Variants in SELENOF observed in about 807,000 individuals in gnomAD.
The protein encoded by SELENOF is 15 kDa selenoprotein.
In SELENOF, 16 loss-of-function variants were observed where a neutral mutation model predicts 20.5. That is an observed-to-expected ratio of 0.78 (90% CI 0.53 to 1.19). SELENOF has a LOEUF of 1.19. Ranked by LOEUF, SELENOF falls within the 50% of genes most tolerant of loss-of-function variation. SELENOF has a pLI of 0.00. For missense variants in SELENOF, 215 were observed against 194.2 expected (o/e 1.11, Z -0.64); for synonymous variants, 78 against 74.5 (o/e 1.05, Z -0.24).
intron 2 of SELENOF, among the ~76,000 whole-genome samples, chr1:86,891,991 C>T (rs576053565): frequency 2.6e-5 from 4 of 151,086 alleles, no homozygotes; most frequent in Non-Finnish European, 4.4e-5. Flanking sequence ...AGTGCAGTGG[C>T]GTGATCTCGG....
intron 3 of SELENOF, among the ~76,000 whole-genome samples, chr1:86,877,085 C>T (rs1014214726): frequency 6.6e-6 from 1 of 152,106 alleles, no homozygotes; most frequent in African/African-American, 2.4e-5. Context: ...GATACAATAA[C>T]AATACTTACC....
intron 2 of SELENOF, among the ~76,000 whole-genome samples, chr1:86,889,809 C>T (rs942325237): frequency 2.0e-5 from 3 of 152,154 alleles, no homozygotes; most frequent in African/African-American, 7.2e-5. Flanking sequence ...CTCTCCAATT[C>T]AGTCTAATAA....
chr1:86,890,454 A>G (rs538240136), intron 2 of SELENOF, among the ~76,000 whole-genome samples: 1 of 152,214 alleles, frequency 6.6e-6, no homozygotes, highest in South Asian at 2.1e-4. Context: ...AGAAGTAAAC[A>G]TTTCCTCTAC....
chr1:86,873,565 A>G lies in SELENOF; in HGVS notation c.317-5463T>C, dbSNP rs138813389. 1.4e-3 allele frequency among the ~76,000 whole-genome samples: 209 copies of G among 152,298 alleles called. 1 individual carries two copies. The highest frequency in any genetic ancestry group is 4.9e-3 in the African/African-American group (202 of 41,556). ...GTTTAGTTTTATATAATTTTAAAAA[A>G]TTAGGCTGGGCACGGTGGCTCATGC... On this transcript the variant is annotated intron_variant, in intron 3 of 4. Coordinates refer to ENST00000331835, the MANE Select transcript of SELENOF (RefSeq NM_004261.5).
chr1:86,863,584 C>G lies in SELENOF; in HGVS notation c.388G>C (p.Val130Leu), dbSNP rs900154921. The change falls in exon 5 of 5, where the codon GTA (valine) becomes CTA (leucine). Residue 130 changes from valine (V) to leucine (L), a missense_variant. Transcript: ENST00000331835. ...CCATTGTCGTCCAAAAGCTTTAATA[C>G]AGGGTCTGAACCACGGACATACTAC... The part of the protein sequence containing the change: ...QIKYVRGSDP[V>L]LKLLDDNGNI... 3.7e-6 allele frequency: 6 copies of G among 1,613,574 alleles called. No homozygotes were observed. Among genetic ancestry groups the G allele is most frequent in the Non-Finnish European group, 4.2e-6 (5 of 1,179,762 alleles).
rs1018502645 is a variant in SELENOF at position 86,910,623 on chromosome 1, G to T, written c.84+3405C>A. On this transcript the variant is annotated intron_variant, in intron 1 of 4. Transcript: ENST00000331835. ...GGAGGCTGAGGCAGGAGACTGGCTT[G>T]ATCCCGGGAGGCAGAGGTTGCAGTG... is the stretch of plus-strand genomic sequence containing the variant. Among the ~76,000 whole-genome samples, 20 of 150,904 alleles carry T rather than the reference G, an allele frequency of 1.3e-4. No individual in the cohort carries two copies. The East Asian group carries it at 1.8e-3, about 13-fold the overall frequency.
intron 1 of SELENOF, among the ~76,000 whole-genome samples, chr1:86,906,541 C>T (rs1291959453): frequency 6.6e-6 from 1 of 152,180 alleles, no homozygotes. Flanking sequence ...CGTAAAAGAG[C>T]AAACAGCCTC....
At chr1:86,908,249 C>T (rs1659881900) in intron 1 of SELENOF, among the ~76,000 whole-genome samples, 1 of 152,146 alleles carries the variant, frequency 6.6e-6, no homozygotes, top group African/African-American at 2.4e-5. Flanking sequence ...TAATTCTGAG[C>T]AAACTCCAAA....
At position 86,899,459 on chromosome 1, in the gene SELENOF, A is replaced by T. The variant is rs1291576137; in HGVS notation, c.252+3822T>A. Among the ~76,000 whole-genome samples, 2 of 114,608 alleles carry T rather than the reference A, an allele frequency of 1.7e-5. 1 individual carries two copies. The highest frequency in any genetic ancestry group is 3.5e-5 in the Non-Finnish European group (2 of 57,440). The allele number at this position is 114,608 out of a possible 152,430, so 75.2% of individuals were successfully genotyped here. ...TCCCGGACGGGGCGGCTGGCCGGGCAGAGGGGCTCCTCACTTCCCAGTAGG... is the reference window on the plus strand; with the variant it reads ...TCCCGGACGGGGCGGCTGGCCGGGCTGAGGGGCTCCTCACTTCCCAGTAGG... On this transcript the variant is annotated intron_variant, in intron 2 of 4. Coordinates refer to ENST00000331835, the MANE Select transcript of SELENOF (RefSeq NM_004261.5).
At chr1:86,911,116 GA>G (rs1659969483) in intron 1 of SELENOF, among the ~76,000 whole-genome samples, 1 of 152,322 alleles carries the variant, frequency 6.6e-6, no homozygotes, top group Middle Eastern at 3.4e-3. Context: ...AATTATTAAA[GA>G]AAACTATGGA....
intron 2 of SELENOF, among the ~76,000 whole-genome samples, chr1:86,895,972 A>C (rs1265491355): frequency 1.3e-5 from 2 of 152,220 alleles, no homozygotes; most frequent in Non-Finnish European, 2.9e-5. Context: ...TCACGCCTGT[A>C]ATCCCAGCAC....
chr1:86,887,988 C>CGG (rs1319018326), intron 2 of SELENOF, among the ~76,000 whole-genome samples: 2 of 152,128 alleles, frequency 1.3e-5, no homozygotes, highest in African/African-American at 4.8e-5. Flanking sequence ...CGGCCAGGCG[C>CGG]GGTGGCTCAC....
intron 1 of SELENOF, among the ~76,000 whole-genome samples, chr1:86,913,520 G>A (rs1018812576): frequency 7.2e-5 from 11 of 152,198 alleles, no homozygotes; most frequent in African/African-American, 2.7e-4. Context: ...GCACTCAAGC[G>A]CAGCCAGCCG....
At chr1:86,885,706 T>G (rs1659195177) in intron 2 of SELENOF, among the ~76,000 whole-genome samples, 1 of 152,206 alleles carries the variant, frequency 6.6e-6, no homozygotes, top group African/African-American at 2.4e-5. Context: ...TATCAAATTT[T>G]CATACGGCAT....
intron 1 of SELENOF, among the ~76,000 whole-genome samples, chr1:86,906,881 C>A (rs764852157): frequency 6.6e-6 from 1 of 152,124 alleles, no homozygotes; most frequent in Non-Finnish European, 1.5e-5. Flanking sequence ...GTTTTGCAGC[C>A]ATAGTTACTG....
chr1:86,887,291 A>G, intron 2 of SELENOF: 2 of 1,362,740 alleles, frequency 1.5e-6, no homozygotes, highest in Non-Finnish European at 1.9e-6. Context: ...TTAAATTACT[A>G]CTCATCTTGG....
chr1:86,900,679 C>G (rs775304698), intron 2 of SELENOF, among the ~76,000 whole-genome samples: 3 of 150,912 alleles, frequency 2.0e-5, no homozygotes, highest in Non-Finnish European at 3.0e-5. Context: ...GAGACAGAGA[C>G]GGAGACGGAG....
At chr1:86,880,197 G>A (rs867725900) in intron 3 of SELENOF, among the ~76,000 whole-genome samples, 16 of 151,262 alleles carry the variant, frequency 1.1e-4, no homozygotes, top group African/African-American at 2.4e-4. Flanking sequence ...GTGCAGTGGC[G>A]TGATCTCGGC....
rs1012482994 is a variant in SELENOF, at chr1:86,875,050, A to G, written c.316+5612T>C. Among the ~76,000 whole-genome samples the G allele has an allele frequency of 2.0e-5, 3 of 152,310 alleles. 1 individual carries two copies. Among genetic ancestry groups the G allele is most frequent in the South Asian group, 4.1e-4 (2 of 4,820 alleles). On this transcript the variant is annotated intron_variant, in intron 3 of 4. Transcript: ENST00000331835. ...GGAGTTCCAGACCAGCATGGCCAAC[A>G]TGGTGAAACTCCATCTCTACCAAAA...
Sources: gnomAD v4.1 joint callset for allele counts (sites outside exome capture counted in the v4.1 genomes callset) on GRCh38, gnomAD v4.1.1 for gene constraint, MANE v1.5 for transcripts, NCBI Gene and HGNC (gene_info 2026-07-23, HGNC 2026-07-21) for gene names.